Variants in MCF2L observed in about 807,000 individuals in gnomAD.
MCF2L encodes the protein MCF.2 cell line derived transforming sequence like.
MCF2L carries 97 observed loss-of-function variants against 153.4 expected under a neutral mutation model. The observed-to-expected ratio is 0.63, with a 90% CI of 0.54 to 0.75. The LOEUF (loss-of-function observed/expected upper bound fraction) is 0.75. Among genes scored for constraint, MCF2L ranks in the 30% least tolerant of loss-of-function variants. The pLI, the probability that MCF2L is intolerant of heterozygous loss-of-function variation, is 0.00. For synonymous variants in MCF2L, 659 were observed against 632.2 expected (o/e 1.04, Z -0.64); for missense variants, 1,347 against 1,495.2 (o/e 0.90, Z 1.64).
At chr13:113,091,319 G>A in intron 26 of MCF2L, 5 of 775,238 alleles carry the variant, frequency 6.4e-6, no homozygotes, top group South Asian at 4.7e-5. Context: ...ATGCTGCGGA[G>A]GCAGACACGC....
At chr13:112,940,276 C>A (rs377738842) in intron 2 of MCF2L, among the ~76,000 whole-genome samples, 1 of 152,170 alleles carries the variant, frequency 6.6e-6, no homozygotes, top group Non-Finnish European at 1.5e-5. Context: ...ATTTGGACAC[C>A]GCCAGAAACT....
chr13:113,037,999 A>G (rs1021162914), intron 3 of MCF2L, among the ~76,000 whole-genome samples: 1 of 152,214 alleles, frequency 6.6e-6, no homozygotes, highest in African/African-American at 2.4e-5. Flanking sequence ...GGGTCAATAT[A>G]CTAAACTTAA....
At chr13:112,994,998 T>C (rs923474926) in intron 1 of MCF2L, among the ~76,000 whole-genome samples, 1 of 152,162 alleles carries the variant, frequency 6.6e-6, no homozygotes, top group African/African-American at 2.4e-5. Context: ...TCCAGGACGG[T>C]CCCCAGGGGC....
Position 113,045,776 on chromosome 13 carries a change from TTGAACA to T in MCF2L, c.369+418_369+423del, listed in dbSNP as rs1451891389. ...CCACCGCCTCCCTTCCCCAGTGGGA[TTGAACA>T]TGCACTTCCTCTTACACAAAGCACA... On this transcript the variant is annotated intron_variant, in intron 4 of 29. Coordinates refer to ENST00000535094, the MANE Select transcript of MCF2L (RefSeq NM_001112732.3). The surrounding 1 kb of genome is among the most constrained non-coding windows in gnomAD (Gnocchi z 4.2). The T allele has an allele frequency of 4.2e-6, 1 of 235,762 alleles. No individual in the cohort carries two copies. The highest frequency in any genetic ancestry group is 4.8e-5 in the Admixed American group (1 of 20,650). 14.6% of individuals were successfully genotyped at this position (235,762 alleles called of 1,614,324 possible). A position where few individuals can be genotyped will look rare whatever the true frequency, so the allele number is the denominator to read the frequency against.
intron 1 of MCF2L, among the ~76,000 whole-genome samples, chr13:112,992,352 T>C (rs1386392976): frequency 1.3e-5 from 2 of 152,210 alleles, no homozygotes; most frequent in East Asian, 3.8e-4. Context: ...AATGGATGTA[T>C]ACCTAAGAAT....
chr13:112,980,710 A>G (rs1367949635), intron 1 of MCF2L, among the ~76,000 whole-genome samples: 1 of 87,792 alleles, frequency 1.1e-5, no homozygotes, highest in African/African-American at 3.5e-5. Flanking sequence ...GGGCTGTGTC[A>G]CTCACTGCCG....
At chr13:112,927,452 C>A (rs774719499) in intron 2 of MCF2L, among the ~76,000 whole-genome samples, 10 of 152,130 alleles carry the variant, frequency 6.6e-5, no homozygotes, top group Non-Finnish European at 1.5e-4. Flanking sequence ...CTGAGAAGAT[C>A]TGGAGGTCTT....
chr13:112,901,534 C>T (rs947477055), intron 1 of MCF2L, among the ~76,000 whole-genome samples: 1 of 152,196 alleles, frequency 6.6e-6, no homozygotes, highest in African/African-American at 2.4e-5. Flanking sequence ...TAGCAGTGAG[C>T]CATAAATGTG....
intron 1 of MCF2L, among the ~76,000 whole-genome samples, chr13:112,974,981 C>T (rs1195751459): frequency 6.6e-6 from 1 of 152,228 alleles, no homozygotes. Context: ...CTCAACATAG[C>T]CCCTTCTTTC....
At position 113,074,735 on chromosome 13, in the gene MCF2L, C is replaced by T. The variant is rs1012950847; in HGVS notation, c.1116+172C>T. On this transcript the variant is annotated intron_variant, in intron 10 of 29. Transcript: ENST00000535094. The surrounding 1 kb of genome is among the most constrained non-coding windows in gnomAD (Gnocchi z 4.2). ...GCCTGTACCCCTCCCCTCCCACACCCCACCCACAGCACATGGCCCTGCCCG... is the reference window on the plus strand; with the variant it reads ...GCCTGTACCCCTCCCCTCCCACACCTCACCCACAGCACATGGCCCTGCCCG... 6.6e-6 allele frequency among the ~76,000 whole-genome samples: 1 copy of T among 152,092 alleles called. No homozygotes were observed. Among genetic ancestry groups the T allele is most frequent in the African/African-American group, 2.4e-5 (1 of 41,426 alleles).
At chr13:113,007,914 T>C (rs951594230) in intron 1 of MCF2L, among the ~76,000 whole-genome samples, 2 of 119,352 alleles carry the variant, frequency 1.7e-5, no homozygotes, top group Admixed American at 2.5e-4. Context: ...TCTTTTCTTT[T>C]TCTTTTTTTT....
At chr13:112,962,435 G>T (rs934499656) in intron 2 of MCF2L, among the ~76,000 whole-genome samples, 1 of 152,204 alleles carries the variant, frequency 6.6e-6, no homozygotes. Context: ...CCTGTGTGGT[G>T]TCGGCTGGGC....
intron 2 of MCF2L, among the ~76,000 whole-genome samples, chr13:112,964,127 A>T (rs2140769705): frequency 6.6e-6 from 1 of 152,004 alleles, no homozygotes; most frequent in South Asian, 2.1e-4. Flanking sequence ...GGGGGGGCCC[A>T]GCTGGGGCTG....
intron 4 of MCF2L, among the ~76,000 whole-genome samples, chr13:113,051,049 G>T (rs906165985): frequency 1.3e-5 from 2 of 152,110 alleles, no homozygotes; most frequent in Admixed American, 1.3e-4. Flanking sequence ...AGCTCTTCCC[G>T]GTGTGGCTGA....
rs76132474 is a variant in MCF2L, at chr13:113,074,252, C to T, written c.997-192C>T. Among the ~76,000 whole-genome samples the T allele has an allele frequency of 1.9e-3, 294 of 152,256 alleles. 3 individuals carry two copies. Among genetic ancestry groups the T allele is most frequent in the African/African-American group, 6.6e-3 (274 of 41,542 alleles). ...TGGTGGGTAGCGTCGACCCAGAGGCCCCACGGTCCCCGCTTGATTGGTGAC... is the reference window on the plus strand; with the variant it reads ...TGGTGGGTAGCGTCGACCCAGAGGCTCCACGGTCCCCGCTTGATTGGTGAC... On this transcript the variant is annotated intron_variant, in intron 9 of 29. Transcript: ENST00000535094. This position sits in a 1 kb window ranked among gnomAD's most constrained non-coding sequence, Gnocchi z 4.2.
At chr13:112,928,583 T>C (rs1349680315) in intron 2 of MCF2L, among the ~76,000 whole-genome samples, 2 of 152,228 alleles carry the variant, frequency 1.3e-5, no homozygotes, top group Non-Finnish European at 2.9e-5. Context: ...AAAAAAGTCA[T>C]GATGACTGTC....
intron 1 of MCF2L, among the ~76,000 whole-genome samples, chr13:113,013,896 G>T (rs2084331331): frequency 6.6e-6 from 1 of 152,182 alleles, no homozygotes; most frequent in Admixed American, 6.5e-5. Flanking sequence ...GGAGGGTCTT[G>T]CTGGCCCCAT....
At chr13:113,062,862 G>A (rs1482287024) in intron 5 of MCF2L, among the ~76,000 whole-genome samples, 3 of 152,174 alleles carry the variant, frequency 2.0e-5, no homozygotes, top group Non-Finnish European at 2.9e-5. Flanking sequence ...GAGCTTATGC[G>A]GCCGTCGCAA....
chr13:113,001,233 G>A (rs907830951), intron 1 of MCF2L: 2 of 152,114 alleles, frequency 1.3e-5, no homozygotes, highest in Admixed American at 1.3e-4. Context: ...TCGGTGCAGG[G>A]GTATTCTGAG....
Sources: gnomAD v4.1 joint callset for allele counts (sites outside exome capture counted in the v4.1 genomes callset) on GRCh38, gnomAD v4.1.1 for gene constraint, Gnocchi (gnomAD v3.1) non-coding constraint, MANE v1.5 for transcripts, NCBI Gene and HGNC (gene_info 2026-07-23, HGNC 2026-07-21) for gene names.